Variants in PCDH17 observed in about 807,000 individuals in gnomAD.
PCDH17 encodes protocadherin-17.
Under a neutral mutation model 67.7 loss-of-function variants are expected in PCDH17, and 21 were observed. The ratio of observed to expected loss-of-function variants is 0.31; its 90% confidence interval spans 0.22 to 0.45. The LOEUF is 0.45. PCDH17 is among the 20% of genes least tolerant of loss of function. The pLI is 1.00. For missense variants in PCDH17, 1,471 were observed against 1,564.8 expected, an observed-to-expected ratio of 0.94 and a Z score of 1.01; for synonymous variants, 701 against 656.7, an observed-to-expected ratio of 1.07 and a Z score of -1.03.
rs888643037 is a variant in PCDH17 at position 57,632,187 on chromosome 13, T to A, written c.-360T>A. On this transcript the variant is annotated 5_prime_UTR_variant, in exon 1 of 4. Transcript: ENST00000377918. ...ATTATCATCTCTCCCAGACGAGATT[T>A]CCTTCTTATCGCCTGCCTCATCGCT... 3.0e-6 allele frequency: 1 copy of A among 330,970 alleles called. No homozygotes were observed. The highest frequency in any genetic ancestry group is 2.2e-5 in the African/African-American group (1 of 46,184). 20.5% of individuals were successfully genotyped at this position (330,970 alleles called of 1,614,324 possible).
At chr13:57,640,276 GA>G (rs1471921568) in intron 1 of PCDH17, among the ~76,000 whole-genome samples, 1 of 151,826 alleles carries the variant, frequency 6.6e-6, no homozygotes, top group Non-Finnish European at 1.5e-5. Context: ...CATACATTAA[GA>G]AAAAATATAT....
At chr13:57,640,666 G>T (rs754030441) in intron 1 of PCDH17, among the ~76,000 whole-genome samples, 5 of 152,000 alleles carry the variant, frequency 3.3e-5, no homozygotes, top group Non-Finnish European at 7.4e-5. Context: ...CTATGTAGAC[G>T]AAGAGAAACA....
intron 3 of PCDH17, among the ~76,000 whole-genome samples, chr13:57,672,230 A>AG (rs1302756330): frequency 6.6e-6 from 1 of 152,060 alleles, no homozygotes; most frequent in African/African-American, 2.4e-5. Context: ...AGAACATTCT[A>AG]GAAAATCACA....
intron 3 of PCDH17, among the ~76,000 whole-genome samples, chr13:57,678,153 A>G (rs1017154721): frequency 1.1e-4 from 16 of 151,196 alleles, no homozygotes; most frequent in Non-Finnish European, 2.2e-4. Context: ...CCATATATAT[A>G]TATATATATC....
intron 3 of PCDH17, 116 bp from the exon 4 acceptor site, chr13:57,724,496 T>G (rs1955896278): frequency 2.7e-6 from 2 of 749,778 alleles, no homozygotes; most frequent in African/African-American, 1.8e-5. Flanking sequence ...TTTCTTTTCC[T>G]TTTTAATTAA....
intron 3 of PCDH17, among the ~76,000 whole-genome samples, chr13:57,708,446 A>T (rs1189828963): frequency 6.6e-6 from 1 of 152,014 alleles, no homozygotes; most frequent in Non-Finnish European, 1.5e-5. Context: ...CTTTTTCTCT[A>T]AACAAACATT....
At chr13:57,646,737 T>C (rs1754639792) in intron 1 of PCDH17, among the ~76,000 whole-genome samples, 2 of 151,812 alleles carry the variant, frequency 1.3e-5, no homozygotes, top group Admixed American at 6.6e-5. Context: ...AAGCTAACGG[T>C]ATTAAATATC....
At chr13:57,708,002 TG>T (rs1171687336) in intron 3 of PCDH17, among the ~76,000 whole-genome samples, 6 of 151,856 alleles carry the variant, frequency 4.0e-5, no homozygotes, top group Admixed American at 3.9e-4. Flanking sequence ...CATTTTAGGG[TG>T]GGGGGCAGTA....
intron 1 of PCDH17, among the ~76,000 whole-genome samples, chr13:57,658,716 A>C (rs1157242008): frequency 6.6e-6 from 1 of 152,104 alleles, no homozygotes; most frequent in Non-Finnish European, 1.5e-5. Context: ...TGGTAAAGAG[A>C]TAGAGAAAGC....
intron 3 of PCDH17, among the ~76,000 whole-genome samples, chr13:57,701,228 A>T (rs1301003436): frequency 6.6e-6 from 1 of 152,190 alleles, no homozygotes; most frequent in Non-Finnish European, 1.5e-5. Flanking sequence ...TTCACAGTTT[A>T]TCAAACTACA....
intron 3 of PCDH17, among the ~76,000 whole-genome samples, chr13:57,695,630 G>A (rs1593934074): frequency 6.6e-6 from 1 of 150,904 alleles, no homozygotes; most frequent in African/African-American, 2.4e-5. Flanking sequence ...AATTCCCTCC[G>A]CAAAACTACA....
At chr13:57,656,029 T>C (rs1178726187) in intron 1 of PCDH17, among the ~76,000 whole-genome samples, 1 of 152,112 alleles carries the variant, frequency 6.6e-6, no homozygotes, top group African/African-American at 2.4e-5. Flanking sequence ...ATAAATTGGG[T>C]ATATGATGGA....
chr13:57,702,724 G>A (rs1008047521), intron 3 of PCDH17, among the ~76,000 whole-genome samples: 7 of 152,128 alleles, frequency 4.6e-5, no homozygotes, highest in East Asian at 1.9e-4. Context: ...AGTATGACAC[G>A]CAACTGCATG....
chr13:57,658,439 T>C (rs1955137672), intron 1 of PCDH17, among the ~76,000 whole-genome samples: 1 of 152,202 alleles, frequency 6.6e-6, no homozygotes, highest in Admixed American at 6.5e-5. Flanking sequence ...ATTTTTAATA[T>C]TTCTGATCGA....
rs987202173 is a variant in PCDH17, at chr13:57,631,859, G to C, written c.-688G>C. On this transcript the variant is annotated 5_prime_UTR_variant, in exon 1 of 4. An upstream open reading frame in the 5' UTR loses its in-frame stop. Transcript: ENST00000377918. ...TGCCTCAGCCAGCAATGCAAGATTA[G>C]ATCTCTAAATGCAGCAAAACACTGC... 1 of 152,320 alleles carries C rather than the reference G, an allele frequency of 6.6e-6. No homozygotes were observed. Among genetic ancestry groups the C allele is most frequent in the Non-Finnish European group, 1.5e-5 (1 of 68,166 alleles). 9.4% of individuals were successfully genotyped at this position (152,320 alleles called of 1,614,324 possible).
chr13:57,632,927 C>A lies in PCDH17; in HGVS notation c.381C>A (p.Asp127Glu). Residue 127 changes from aspartate to glutamate, a missense_variant, in exon 1 of 4, where the codon GAC becomes GAA. Coordinates refer to ENST00000377918, the MANE Select transcript of PCDH17 (RefSeq NM_001040429.3). ...AGGTAGAGATCCAGGACATCAACGA[C>A]AACGCGCCCTCCTTCTCCTCGGACC... ...MIKVEIQDIN[D>E]NAPSFSSDQI... The A allele has an allele frequency of 6.2e-7, 1 of 1,614,106 alleles. No homozygotes were observed. Among genetic ancestry groups the A allele is most frequent in the Non-Finnish European group, 8.5e-7 (1 of 1,180,036 alleles).
chr13:57,632,724 A>G lies in PCDH17; in HGVS notation c.178A>G (p.Lys60Glu), dbSNP rs757595734. ...AGAGCGCGGCGGCGGAGGGCGCAGC[A>G]AGTCGGGTAGCTACCGGGTGCTGGA... is the stretch of plus-strand genomic sequence containing the variant. Reference protein sequence around the residue: ...PAERGGGGRSKSGSYRVLENS... With the variant: ...PAERGGGGRSESGSYRVLENS... The change falls in exon 1 of 4, where the codon AAG (lysine) becomes GAG (glutamate). Residue 60 changes from lysine to glutamate, a missense_variant. By Grantham distance (56) the Lys-to-Glu change is moderately conservative. Transcript: ENST00000377918. The G allele has an allele frequency of 1.9e-6, 3 of 1,611,824 alleles. No homozygotes were observed. The highest frequency in any genetic ancestry group is 2.5e-6 in the Non-Finnish European group (3 of 1,179,940).
intron 3 of PCDH17, among the ~76,000 whole-genome samples, chr13:57,698,951 G>A (rs893252747): frequency 2.6e-5 from 4 of 151,860 alleles, no homozygotes; most frequent in Admixed American, 6.6e-5. Context: ...AGCTAGAACC[G>A]ACTTGACATC....
Position 57,633,022 on chromosome 13 carries a change from C to G in PCDH17, c.476C>G (p.Pro159Arg), listed in dbSNP as rs1287105233. Residue 159 changes from proline to arginine, a missense_variant, in exon 1 of 4, where the codon CCC becomes CGC. This residue lies in a region of PCDH17 where 1,163 missense variants were observed against 1,230.0 expected (regional missense o/e 0.95). Transcript: ENST00000377918. This position sits in a 1 kb window ranked among gnomAD's most constrained non-coding sequence, Gnocchi z 6.2. The stretch of plus-strand genomic sequence containing the variant: ...TTCCCCCTCACCAGCGCACATGACC[C>G]CGACGCCGGCGAGAATGGGCTCCGC... The part of the protein sequence containing the change: ...TRFPLTSAHD[P>R]DAGENGLRTY... 6.2e-7 allele frequency: 1 copy of G among 1,612,800 alleles called. No individual in the cohort carries two copies. Among genetic ancestry groups the G allele is most frequent in the Non-Finnish European group, 8.5e-7 (1 of 1,179,970 alleles).
Sources: gnomAD v4.1 joint callset for allele counts (sites outside exome capture counted in the v4.1 genomes callset) on GRCh38, gnomAD v4.1.1 for gene constraint, gnomAD v4.1.1 regional missense constraint, Gnocchi (gnomAD v3.1) non-coding constraint, MANE v1.5 for transcripts, NCBI Gene and HGNC (gene_info 2026-07-23, HGNC 2026-07-21) for gene names.